Variants in GRIN2A observed in about 807,000 individuals in gnomAD.
The protein encoded by GRIN2A is glutamate receptor ionotropic, NMDA 2A.
GRIN2A carries 22 observed loss-of-function variants against 113.4 expected under a neutral mutation model. That is an observed-to-expected ratio of 0.19 (90% CI 0.14 to 0.28). The LOEUF is 0.28. Ranked by LOEUF, GRIN2A falls within the 10% of genes least tolerant of loss-of-function variation. GRIN2A has a pLI of 1.00. For missense variants in GRIN2A, 1,502 were observed against 1,887.0 expected (o/e 0.80, Z 3.78); for synonymous variants, 827 against 738.4 (o/e 1.12, Z -1.94).
intron 2 of GRIN2A, among the ~76,000 whole-genome samples, chr16:10,133,690 T>C (rs1023708131): frequency 6.6e-6 from 1 of 152,182 alleles, no homozygotes; most frequent in Non-Finnish European, 1.5e-5. Context: ...CTAAGTCAAG[T>C]ACTTATAAGA....
At chr16:10,020,632 A>G (rs2046701600) in intron 2 of GRIN2A, among the ~76,000 whole-genome samples, 2 of 152,184 alleles carry the variant, frequency 1.3e-5, no homozygotes, top group African/African-American at 2.4e-5. Context: ...TAGCTATACG[A>G]TACAAGGTTA....
chr16:9,982,831 C>T (rs2045915708), intron 2 of GRIN2A, among the ~76,000 whole-genome samples: 2 of 152,126 alleles, frequency 1.3e-5, no homozygotes, highest in South Asian at 4.1e-4. Context: ...CACCCTACAC[C>T]TTGAATCACC....
intron 2 of GRIN2A, among the ~76,000 whole-genome samples, chr16:10,060,600 C>T (rs1365464526): frequency 6.6e-6 from 1 of 152,208 alleles, no homozygotes; most frequent in Non-Finnish European, 1.5e-5. Context: ...GCTTGATCTT[C>T]AATGTATCAT....
rs1900406853 is a variant in GRIN2A at position 9,757,635 on chromosome 16, C to T, written c.*5514G>A. Reference sequence around the variant, plus strand: ...ATTCAGTGAAGTCCTATTAGCTGGTCAATGTGCTTGGTTCTTCCTCAATGC... The same window carrying T: ...ATTCAGTGAAGTCCTATTAGCTGGTTAATGTGCTTGGTTCTTCCTCAATGC... On this transcript the variant is annotated 3_prime_UTR_variant, in exon 13 of 13. Transcript: ENST00000330684. 4.5e-6 allele frequency: 1 copy of T among 222,260 alleles called. No homozygotes were observed. Among genetic ancestry groups the T allele is most frequent in the Admixed American group, 5.7e-5 (1 of 17,414 alleles). The allele number at this position is 222,260 out of a possible 1,614,324, so 13.8% of individuals were successfully genotyped here. A position where few individuals can be genotyped will look rare whatever the true frequency, so the allele number is the denominator to read the frequency against.
chr16:10,127,342 C>A (rs1355984117), intron 2 of GRIN2A, among the ~76,000 whole-genome samples: 1 of 152,128 alleles, frequency 6.6e-6, no homozygotes, highest in Admixed American at 6.5e-5. Context: ...AAATGTGGAG[C>A]TCCTTACCAT....
chr16:9,900,590 C>G (rs1406903972), intron 3 of GRIN2A, among the ~76,000 whole-genome samples: 1 of 152,158 alleles, frequency 6.6e-6, no homozygotes, highest in Non-Finnish European at 1.5e-5. Flanking sequence ...CAACTAGAAG[C>G]AGGGTGTATA....
At chr16:10,168,716 A>C (rs111253445) in intron 2 of GRIN2A, among the ~76,000 whole-genome samples, 1 of 152,194 alleles carries the variant, frequency 6.6e-6, no homozygotes, top group Non-Finnish European at 1.5e-5. Context: ...CCTGTAGTCC[A>C]GCACTTTAGG....
chr16:10,052,967 G>C (rs1268421686), intron 2 of GRIN2A, among the ~76,000 whole-genome samples: 1 of 151,336 alleles, frequency 6.6e-6, no homozygotes, highest in Non-Finnish European at 1.5e-5. Flanking sequence ...AGAATGGCTT[G>C]ATCCTGGGAG....
At chr16:9,778,977 C>A (rs1292731557) in intron 11 of GRIN2A, among the ~76,000 whole-genome samples, 1 of 152,178 alleles carries the variant, frequency 6.6e-6, no homozygotes, top group Admixed American at 6.5e-5. Flanking sequence ...ACATCCTGGG[C>A]AGGGAGGGTG....
At chr16:9,828,732 T>A (rs917125052) in intron 9 of GRIN2A, among the ~76,000 whole-genome samples, 1 of 152,094 alleles carries the variant, frequency 6.6e-6, no homozygotes, top group Non-Finnish European at 1.5e-5. Context: ...CACTGGAGAA[T>A]GAGAGAGCAG....
At chr16:10,037,574 G>A (rs1037914754) in intron 2 of GRIN2A, among the ~76,000 whole-genome samples, 4 of 152,226 alleles carry the variant, frequency 2.6e-5, no homozygotes, top group Non-Finnish European at 4.4e-5. Flanking sequence ...TGATATTCAA[G>A]GGTCTTCATT....
chr16:9,769,449 GT>G (rs1478305941), intron 11 of GRIN2A, among the ~76,000 whole-genome samples: 1 of 89,150 alleles, frequency 1.1e-5, no homozygotes, highest in African/African-American at 4.3e-5. Flanking sequence ...TTGGAGTTTT[GT>G]CTTTTTTTTT....
chr16:10,181,211 G>A (rs1596588559), intron 1 of GRIN2A, among the ~76,000 whole-genome samples: 2 of 59,728 alleles, frequency 3.3e-5, no homozygotes, highest in Non-Finnish European at 7.5e-5. Context: ...ACACACACAC[G>A]CACACACACA....
intron 10 of GRIN2A, chr16:9,805,663 A>C (rs746371785): frequency 6.6e-6 from 1 of 152,166 alleles, no homozygotes; most frequent in Non-Finnish European, 1.5e-5. Context: ...ATAAATAATA[A>C]CTTATTACAG....
At chr16:10,071,313 A>C (rs1286444879) in intron 2 of GRIN2A, among the ~76,000 whole-genome samples, 2 of 152,206 alleles carry the variant, frequency 1.3e-5, no homozygotes, top group East Asian at 3.9e-4. Flanking sequence ...AGAATGTGTC[A>C]TTGTCAGTAA....
At chr16:10,087,534 T>C (rs1009688775) in intron 2 of GRIN2A, among the ~76,000 whole-genome samples, 5 of 152,230 alleles carry the variant, frequency 3.3e-5, no homozygotes, top group Non-Finnish European at 4.4e-5. Context: ...ACTAACCTCA[T>C]ATAACTGGAA....
intron 2 of GRIN2A, among the ~76,000 whole-genome samples, chr16:9,940,017 TGAGAGA>T (rs71402418): frequency 3.0e-5 from 4 of 134,450 alleles, no homozygotes; most frequent in South Asian, 2.6e-4. Context: ...GGGATTCCAC[TGAGAGA>T]GAGAGAGAGA....
At chr16:10,172,164 A>C (rs1438399080) in intron 2 of GRIN2A, among the ~76,000 whole-genome samples, 2 of 152,258 alleles carry the variant, frequency 1.3e-5, no homozygotes, top group African/African-American at 4.8e-5. Flanking sequence ...TTGCAGGAGA[A>C]CCAGAGGTTC....
chr16:10,019,270 A>G (rs1361458519), intron 2 of GRIN2A, among the ~76,000 whole-genome samples: 1 of 152,232 alleles, frequency 6.6e-6, no homozygotes, highest in Non-Finnish European at 1.5e-5. Context: ...CTGGCATGTG[A>G]CAAGCATTTG....
Sources: allele counts gnomAD v4.1 joint callset (sites outside exome capture counted in the v4.1 genomes callset), GRCh38; gene constraint gnomAD v4.1.1; transcripts MANE v1.5; gene names NCBI Gene and HGNC (gene_info 2026-07-23, HGNC 2026-07-21).